Variants in RB1 observed in about 807,000 individuals in gnomAD.
RB1 encodes retinoblastoma-associated protein.
A neutral mutation model predicts 135.4 loss-of-function variants in RB1; 18 were observed. That is an observed-to-expected ratio of 0.13 (90% confidence interval 0.09 to 0.20). The LOEUF (loss-of-function observed/expected upper bound fraction) is 0.20, where lower values mean the gene tolerates loss of function less well. Ranked by LOEUF, RB1 falls within the 10% of genes least tolerant of loss-of-function variation. The pLI is 1.00. For missense variants in RB1, 868 were observed against 1,110.0 expected (o/e 0.78, Z 3.10); for synonymous variants, 365 against 373.2 (o/e 0.98, Z 0.25).
intron 1 of RB1, among the ~76,000 whole-genome samples, chr13:48,306,374 C>G (rs1392138537): frequency 6.6e-6 from 1 of 152,160 alleles, no homozygotes; most frequent in Non-Finnish European, 1.5e-5. Flanking sequence ...CACTGCACCC[C>G]AGCCTGGATG....
intron 17 of RB1, chr13:48,412,620 G>T (rs755959182): frequency 1.6e-6 from 1 of 606,750 alleles, no homozygotes; most frequent in Non-Finnish European, 3.0e-6. Flanking sequence ...TTTCCGCTGG[G>T]TTCTTCAACA....
intron 17 of RB1, among the ~76,000 whole-genome samples, chr13:48,428,839 T>A (rs1029468991): frequency 4.7e-4 from 71 of 152,344 alleles, no homozygotes; most frequent in African/African-American, 1.5e-3. Flanking sequence ...CTGTGAATAG[T>A]AAATTTAACA....
chr13:48,476,470 GAA>G (rs961559038), intron 24 of RB1: 7 of 479,480 alleles, frequency 1.5e-5, no homozygotes, highest in Admixed American at 6.7e-5. Flanking sequence ...AGCTGCATGG[GAA>G]AAGACAGGAG....
rs1466615244 is a variant in RB1, at chr13:48,303,803, T to A, written c.-110T>A. On this transcript the variant is annotated 5_prime_UTR_variant, in exon 1 of 27. Coordinates refer to ENST00000267163, the MANE Select transcript of RB1 (RefSeq NM_000321.3). ...GGTTTTTCTCAGGGGACGTTGAAAT[T>A]ATTTTTGTAACGGGAGTCGGGAGAG... The A allele has an allele frequency of 2.1e-6, 3 of 1,432,538 alleles. No homozygotes were observed. Among genetic ancestry groups the A allele is most frequent in the Non-Finnish European group, 2.8e-6 (3 of 1,088,418 alleles). 88.7% of individuals were successfully genotyped at this position (1,432,538 alleles called of 1,614,324 possible).
intron 19 of RB1, among the ~76,000 whole-genome samples, chr13:48,458,452 T>C (rs1160180987): frequency 6.6e-6 from 1 of 152,198 alleles, no homozygotes; most frequent in Non-Finnish European, 1.5e-5. Context: ...TATGCTGAGC[T>C]TTACAGGCAT....
At chr13:48,410,077 G>A (rs560770776) in intron 17 of RB1, among the ~76,000 whole-genome samples, 8 of 152,036 alleles carry the variant, frequency 5.3e-5, no homozygotes, top group South Asian at 4.2e-4. Context: ...TCATTTTGAC[G>A]TACAATAACA....
At chr13:48,432,981 T>G (rs1381291766) in intron 17 of RB1, among the ~76,000 whole-genome samples, 1 of 152,188 alleles carries the variant, frequency 6.6e-6, no homozygotes, top group East Asian at 1.9e-4. Flanking sequence ...CTTTAAGATT[T>G]GGAATGGGAT....
At chr13:48,420,755 A>G (rs1948993518) in intron 17 of RB1, among the ~76,000 whole-genome samples, 2 of 152,160 alleles carry the variant, frequency 1.3e-5, no homozygotes, top group Non-Finnish European at 2.9e-5. Context: ...AGACAAACAG[A>G]GAGCCAAATC....
chr13:48,439,339 A>G (rs1180708599), intron 17 of RB1, among the ~76,000 whole-genome samples: 1 of 152,194 alleles, frequency 6.6e-6, no homozygotes, highest in Non-Finnish European at 1.5e-5. Flanking sequence ...ACTATTATTA[A>G]ATTAAGATAA....
intron 17 of RB1, among the ~76,000 whole-genome samples, chr13:48,429,767 CAGT>C (rs763922603): frequency 1.6e-4 from 25 of 152,072 alleles, no homozygotes; most frequent in Non-Finnish European, 3.2e-4. Flanking sequence ...TATGTACCAG[CAGT>C]AATCAACTGG....
chr13:48,318,177 A>G lies in RB1; in HGVS notation c.264+10771A>G, dbSNP rs956537622. On this transcript the variant is annotated intron_variant, in intron 2 of 26. Transcript: ENST00000267163. Reference sequence around the variant, plus strand: ...CGTCTTCTCTGCCATACTGCCACAGACACTGGGAGGTTTGTTCCCTGGACC... The same window carrying G: ...CGTCTTCTCTGCCATACTGCCACAGGCACTGGGAGGTTTGTTCCCTGGACC... The G allele has an allele frequency of 3.1e-5, 17 of 555,060 alleles. No homozygotes were observed. In the East Asian group the frequency reaches 5.6e-4, roughly 18 times the overall value. 34.4% of individuals were successfully genotyped at this position (555,060 alleles called of 1,614,324 possible).
intron 20 of RB1, among the ~76,000 whole-genome samples, chr13:48,463,264 A>G (rs529193814): frequency 6.6e-6 from 1 of 152,362 alleles, no homozygotes; most frequent in South Asian, 2.1e-4. Flanking sequence ...ACCAGCATCC[A>G]GATCAAGAAA....
chr13:48,317,898 AG>A, intron 2 of RB1: 1 of 401,044 alleles, frequency 2.5e-6, no homozygotes, highest in South Asian at 2.2e-5. Context: ...ATTTCCCGAG[AG>A]CAGCAGGGCC....
chr13:48,369,256 G>C (rs959722313), intron 11 of RB1, among the ~76,000 whole-genome samples: 2 of 152,044 alleles, frequency 1.3e-5, no homozygotes, highest in African/African-American at 4.8e-5. Flanking sequence ...TGTTATCAAG[G>C]CTTGTTGAAT....
At chr13:48,455,039 A>T (rs1328296771) in intron 18 of RB1, among the ~76,000 whole-genome samples, 1 of 152,184 alleles carries the variant, frequency 6.6e-6, no homozygotes, top group Non-Finnish European at 1.5e-5. Flanking sequence ...TTTGGAGACT[A>T]TTTCTGTAGT....
chr13:48,365,852 A>G (rs569613065), intron 9 of RB1, among the ~76,000 whole-genome samples: 4 of 152,228 alleles, frequency 2.6e-5, no homozygotes, highest in Non-Finnish European at 4.4e-5. Context: ...GAAATAGAGC[A>G]TTACAGGAGT....
chr13:48,371,228 A>G (rs1177510815), intron 11 of RB1, among the ~76,000 whole-genome samples: 1 of 152,216 alleles, frequency 6.6e-6, no homozygotes, highest in Non-Finnish European at 1.5e-5. Flanking sequence ...AAAATCAGAC[A>G]TAATTTTTGC....
intron 17 of RB1, among the ~76,000 whole-genome samples, chr13:48,400,113 C>T (rs1388397264): frequency 6.6e-6 from 1 of 152,116 alleles, no homozygotes; most frequent in East Asian, 1.9e-4. Flanking sequence ...AAGTAGTGCT[C>T]ATCACTTGCT....
In RB1 at chr13:48,396,175, G is replaced by A. The variant is rs1469645846; in HGVS notation, c.1695+14732G>A. Among the ~76,000 whole-genome samples the A allele has an allele frequency of 3.3e-5, 5 of 152,028 alleles. No homozygotes were observed. The East Asian group carries it at 7.7e-4, about 23-fold the overall frequency. On this transcript the variant is annotated intron_variant, in intron 17 of 26. Transcript: ENST00000267163. ...AAATTTTATATAGAACCTAAAAAGAGCCCATATAGCCGAGACAATCTTAAG... is the reference window on the plus strand; with the variant it reads ...AAATTTTATATAGAACCTAAAAAGAACCCATATAGCCGAGACAATCTTAAG...
Sources: allele counts gnomAD v4.1 joint callset (sites outside exome capture counted in the v4.1 genomes callset), GRCh38; gene constraint gnomAD v4.1.1; transcripts MANE v1.5; gene names NCBI Gene and HGNC (gene_info 2026-07-23, HGNC 2026-07-21).